NRF1: variants seen among roughly 807,000 people sequenced by gnomAD.
The protein encoded by NRF1 is alpha palindromic-binding protein.
A neutral mutation model predicts 58.5 loss-of-function variants in NRF1; 5 were observed. The observed-to-expected ratio is 0.09, with a 90% CI of 0.04 to 0.18. The LOEUF (loss-of-function observed/expected upper bound fraction) is 0.18, where lower values mean the gene tolerates loss of function less well. Ranked by LOEUF, NRF1 falls within the 10% of genes least tolerant of loss-of-function variation. NRF1 has a pLI of 1.00. For synonymous variants in NRF1, 224 were observed against 246.7 expected (o/e 0.91, Z 0.86); for missense variants, 288 against 657.7 (o/e 0.44, Z 6.15).
At chr7:129,644,826 A>G (rs1402296459) in intron 1 of NRF1, among the ~76,000 whole-genome samples, 3 of 152,124 alleles carry the variant, frequency 2.0e-5, no homozygotes, top group Non-Finnish European at 4.4e-5. Flanking sequence ...GGCACCCTCT[A>G]GTGTTCTAGT....
chr7:129,660,276 CAT>C (rs1801750472), intron 2 of NRF1, among the ~76,000 whole-genome samples: 1 of 150,468 alleles, frequency 6.6e-6, no homozygotes, highest in Non-Finnish European at 1.5e-5. Flanking sequence ...AGAGCCAAAC[CAT>C]ATTATTCCAC....
intron 4 of NRF1, among the ~76,000 whole-genome samples, chr7:129,683,220 A>G (rs188118057): frequency 2.0e-5 from 3 of 151,858 alleles, no homozygotes; most frequent in African/African-American, 7.2e-5. Flanking sequence ...ATATTTTCTG[A>G]TCATAGTACA....
intron 1 of NRF1, among the ~76,000 whole-genome samples, chr7:129,642,511 A>C (rs974864437): frequency 6.6e-6 from 1 of 152,162 alleles, no homozygotes; most frequent in Non-Finnish European, 1.5e-5. Context: ...ATCTATATTA[A>C]GTGAAAAAAT....
chr7:129,733,167 C>A (rs930524960), intron 10 of NRF1, among the ~76,000 whole-genome samples: 5 of 152,078 alleles, frequency 3.3e-5, no homozygotes, highest in African/African-American at 1.2e-4. Flanking sequence ...TTTTAAAGTT[C>A]ATTTGAAAGA....
chr7:129,644,866 A>G (rs1204733210), intron 1 of NRF1, among the ~76,000 whole-genome samples: 1 of 152,154 alleles, frequency 6.6e-6, no homozygotes, highest in Admixed American at 6.5e-5. Flanking sequence ...ATTTGAATAG[A>G]AGAAGATTGG....
intron 10 of NRF1, among the ~76,000 whole-genome samples, chr7:129,749,371 G>A (rs529162859): frequency 2.2e-4 from 33 of 151,798 alleles, no homozygotes. Flanking sequence ...CCATTTATTT[G>A]GGAAGAGAGG....
At chr7:129,693,875 C>A (rs1360078667) in intron 5 of NRF1, among the ~76,000 whole-genome samples, 3 of 152,026 alleles carry the variant, frequency 2.0e-5, no homozygotes, top group Admixed American at 2.0e-4. Flanking sequence ...ATTTTTTGTT[C>A]TTTGTCACAT....
chr7:129,654,566 GTTATC>G (rs1801609493), intron 1 of NRF1, among the ~76,000 whole-genome samples: 1 of 152,050 alleles, frequency 6.6e-6, no homozygotes, highest in Non-Finnish European at 1.5e-5. Flanking sequence ...TTTCTCCTAT[GTTATC>G]TTATAGGAGT....
chr7:129,690,560 G>A lies in NRF1; in HGVS notation c.606+14G>A, dbSNP rs372860081. ...AAAATGACCCAGGTGAGGGGTGGGA[G>A]GTGAGGAGGAGACTCAAAGACAAGT... On this transcript the variant is annotated intron_variant, in intron 5 of 10. Coordinates refer to ENST00000393232, the MANE Select transcript of NRF1 (RefSeq NM_005011.5). 69 of 1,613,824 alleles carry A rather than the reference G, an allele frequency of 4.3e-5. No homozygotes were observed. The African/African-American group carries it at 6.1e-4, about 14-fold the overall frequency.
chr7:129,664,325 T>C (rs879715281), intron 2 of NRF1, among the ~76,000 whole-genome samples: 4 of 152,132 alleles, frequency 2.6e-5, no homozygotes, highest in Non-Finnish European at 5.9e-5. Flanking sequence ...CATGCCTGAA[T>C]GGGTATGGTA....
intron 10 of NRF1, among the ~76,000 whole-genome samples, chr7:129,743,493 A>G (rs986033730): frequency 6.6e-6 from 1 of 152,126 alleles, no homozygotes; most frequent in African/African-American, 2.4e-5. Flanking sequence ...TGCTTCTTCC[A>G]TTTGTCTGTG....
chr7:129,685,927 CCTGTCTGTA>C (rs1415602695), intron 4 of NRF1, among the ~76,000 whole-genome samples: 1 of 151,090 alleles, frequency 6.6e-6, no homozygotes, highest in Non-Finnish European at 1.5e-5. Flanking sequence ...TGGTTGAAAC[CCTGTCTGTA>C]CTAAAAATGC....
At chr7:129,703,466 G>A (rs1002582112) in intron 5 of NRF1, among the ~76,000 whole-genome samples, 1 of 152,152 alleles carries the variant, frequency 6.6e-6, no homozygotes, top group Non-Finnish European at 1.5e-5. Flanking sequence ...CCGAATTCTG[G>A]AAAGGAATCA....
intron 4 of NRF1, among the ~76,000 whole-genome samples, chr7:129,684,958 G>C (rs1475269677): frequency 1.3e-5 from 2 of 152,154 alleles, no homozygotes; most frequent in African/African-American, 4.8e-5. Flanking sequence ...GGGCTGGAGA[G>C]ACAATAGGAT....
At chr7:129,634,957 C>A (rs1801136181) in intron 1 of NRF1, among the ~76,000 whole-genome samples, 1 of 152,144 alleles carries the variant, frequency 6.6e-6, no homozygotes, top group Non-Finnish European at 1.5e-5. Flanking sequence ...TGTTTGCTTT[C>A]TCTTTTCTTT....
At chr7:129,657,027 A>G (rs1801672180) in intron 1 of NRF1, among the ~76,000 whole-genome samples, 1 of 152,208 alleles carries the variant, frequency 6.6e-6, no homozygotes, top group African/African-American at 2.4e-5. Flanking sequence ...CTAGTCACTG[A>G]GCTATCTTAA....
chr7:129,644,002 C>G (rs1801350724), intron 1 of NRF1, among the ~76,000 whole-genome samples: 1 of 152,168 alleles, frequency 6.6e-6, no homozygotes, highest in African/African-American at 2.4e-5. Context: ...CTGCAGTGCC[C>G]TTTTTTTCAT....
intron 6 of NRF1, among the ~76,000 whole-genome samples, chr7:129,709,733 T>TC (rs1803029569): frequency 6.8e-6 from 1 of 146,308 alleles, no homozygotes; most frequent in African/African-American, 2.5e-5. Flanking sequence ...TTCTTTCTTT[T>TC]TTTTTTTTTT....
intron 1 of NRF1, among the ~76,000 whole-genome samples, chr7:129,616,236 C>T (rs1800657028): frequency 2.0e-5 from 3 of 152,246 alleles, no homozygotes; most frequent in Middle Eastern, 3.4e-3. Flanking sequence ...AGTAAACTTT[C>T]TATGACCCAA....
Sources: gnomAD v4.1 joint callset for allele counts (sites outside exome capture counted in the v4.1 genomes callset) on GRCh38, gnomAD v4.1.1 for gene constraint, MANE v1.5 for transcripts, NCBI Gene and HGNC (gene_info 2026-07-23, HGNC 2026-07-21) for gene names.